Variants in SCHIP1 observed in about 807,000 individuals in gnomAD.
The protein encoded by SCHIP1 is schwannomin interacting protein 1.
In SCHIP1, 8 loss-of-function variants were observed where a neutral mutation model predicts 29.7. The ratio of observed to expected loss-of-function variants is 0.27; its 90% CI spans 0.16 to 0.49. The LOEUF (loss-of-function observed/expected upper bound fraction) is 0.49, where lower values mean the gene tolerates loss of function less well. Among genes scored for constraint, SCHIP1 ranks in the 20% least tolerant of loss-of-function variants. SCHIP1 has a pLI of 0.99. For missense variants in SCHIP1, 193 were observed against 294.6 expected, an observed-to-expected ratio of 0.66 and a Z score of 2.52; for synonymous variants, 76 against 94.9, an observed-to-expected ratio of 0.80 and a Z score of 1.16.
chr3:159,765,796 C>G, the SCHIP1 span: 1 of 152,184 alleles, frequency 6.6e-6, no homozygotes, highest in Non-Finnish European at 1.5e-5. Flanking sequence ...GTTCTTCCCT[C>G]GGTCGCCTGA....
chr3:159,333,747 A>G, the SCHIP1 span, among the ~76,000 whole-genome samples: 14 of 152,200 alleles, frequency 9.2e-5, no homozygotes, highest in Non-Finnish European at 1.8e-4. Context: ...ACAAAATATC[A>G]TAGGATCCTT....
the SCHIP1 span, among the ~76,000 whole-genome samples, chr3:159,556,203 C>CA: frequency 6.6e-6 from 1 of 152,094 alleles, no homozygotes; most frequent in Non-Finnish European, 1.5e-5. Context: ...AAATGCAAGT[C>CA]AAAACCACAA....
the SCHIP1 span, among the ~76,000 whole-genome samples, chr3:159,342,091 G>A: frequency 2.6e-5 from 4 of 152,110 alleles, no homozygotes; most frequent in Non-Finnish European, 4.4e-5. Context: ...AGGGCAGTGT[G>A]GGTGACTGGC....
the SCHIP1 span, among the ~76,000 whole-genome samples, chr3:159,563,586 T>C: frequency 6.6e-6 from 1 of 152,166 alleles, no homozygotes; most frequent in South Asian, 2.1e-4. Context: ...CCCAGCACTT[T>C]GGAAGGCCAA....
intron 4 of SCHIP1, chr3:159,888,387 G>T (rs1056174990): frequency 4.9e-6 from 1 of 202,112 alleles, no homozygotes; most frequent in Non-Finnish European, 1.0e-5. Flanking sequence ...TATAAAATGG[G>T]GATGATAATG....
the SCHIP1 span, among the ~76,000 whole-genome samples, chr3:159,726,304 T>C: frequency 6.6e-6 from 1 of 152,170 alleles, no homozygotes; most frequent in Admixed American, 6.5e-5. Context: ...CAAACCACTG[T>C]CTTTTAGGAC....
the SCHIP1 span, among the ~76,000 whole-genome samples, chr3:159,442,714 G>A: frequency 6.6e-6 from 1 of 152,144 alleles, no homozygotes; most frequent in East Asian, 1.9e-4. Context: ...AGACATTTGT[G>A]GGAGAGGCAG....
chr3:159,386,465 C>T, the SCHIP1 span, among the ~76,000 whole-genome samples: 1 of 152,198 alleles, frequency 6.6e-6, no homozygotes, highest in Non-Finnish European at 1.5e-5. Flanking sequence ...AATGAACATA[C>T]TGCCCAAAGT....
chr3:159,851,512 A>G (rs1048437101), intron 1 of SCHIP1, among the ~76,000 whole-genome samples: 1 of 152,054 alleles, frequency 6.6e-6, no homozygotes, highest in Non-Finnish European at 1.5e-5. Context: ...TAGGAGGAAC[A>G]TATAAAGTGC....
the SCHIP1 span, among the ~76,000 whole-genome samples, chr3:159,427,229 C>A: frequency 3.1e-4 from 47 of 149,854 alleles, 1 homozygote; most frequent in Non-Finnish European, 5.2e-4. Context: ...GAAATAAAGG[C>A]TATTCAATTA....
At chr3:159,608,846 A>T in the SCHIP1 span, among the ~76,000 whole-genome samples, 415 of 152,306 alleles carry the variant, frequency 2.7e-3, 1 homozygote, top group African/African-American at 8.9e-3. Context: ...AAGCCGATTA[A>T]TTACTCCAAT....
the SCHIP1 span, among the ~76,000 whole-genome samples, chr3:159,665,106 GA>G: frequency 6.6e-6 from 1 of 152,204 alleles, no homozygotes; most frequent in African/African-American, 2.4e-5. Flanking sequence ...AGTTAAATCT[GA>G]GAGATGGGCT....
At chr3:159,363,577 G>A in the SCHIP1 span, among the ~76,000 whole-genome samples, 1 of 152,140 alleles carries the variant, frequency 6.6e-6, no homozygotes, top group East Asian at 1.9e-4. Context: ...GGCTTTGGTG[G>A]ATGAAATTGT....
chr3:159,528,565 C>A, the SCHIP1 span, among the ~76,000 whole-genome samples: 513 of 152,308 alleles, frequency 3.4e-3, 5 homozygotes, highest in African/African-American at 0.011. Context: ...GCACCTTCTT[C>A]TCCCCACCAC....
the SCHIP1 span, among the ~76,000 whole-genome samples, chr3:159,806,056 C>T: frequency 2.6e-5 from 4 of 152,134 alleles, no homozygotes; most frequent in Non-Finnish European, 5.9e-5. Flanking sequence ...GTGATCCACC[C>T]GCCTCGGCCT....
At chr3:159,757,766 C>T in the SCHIP1 span, among the ~76,000 whole-genome samples, 2 of 152,162 alleles carry the variant, frequency 1.3e-5, no homozygotes, top group Non-Finnish European at 2.9e-5. Flanking sequence ...AGAGGCAGAG[C>T]CAAGTATCCT....
chr3:159,855,930 C>T (rs764640472), intron 1 of SCHIP1, among the ~76,000 whole-genome samples: 13 of 152,086 alleles, frequency 8.5e-5, no homozygotes, highest in South Asian at 2.1e-4. Flanking sequence ...GTTCTTTTTC[C>T]GTGGGGAAGG....
At chr3:159,532,974 AT>A in the SCHIP1 span, among the ~76,000 whole-genome samples, 3 of 152,220 alleles carry the variant, frequency 2.0e-5, no homozygotes, top group African/African-American at 7.2e-5. Context: ...TGAAAAGACA[AT>A]ACAAAGTGTT....
the SCHIP1 span, among the ~76,000 whole-genome samples, chr3:159,297,501 T>C: frequency 6.6e-6 from 1 of 152,044 alleles, no homozygotes; most frequent in Non-Finnish European, 1.5e-5. Flanking sequence ...CCACAGACAA[T>C]AGAGCTGGGA....
Sources: allele counts gnomAD v4.1 joint callset (sites outside exome capture counted in the v4.1 genomes callset), GRCh38; gene constraint gnomAD v4.1.1; transcripts MANE v1.5; gene names NCBI Gene and HGNC (gene_info 2026-07-23, HGNC 2026-07-21).